Variants in CDH13 observed in about 807,000 individuals in gnomAD.
The protein encoded by CDH13 is cadherin 13.
CDH13 carries 24 observed loss-of-function variants against 63.8 expected under a neutral mutation model. The observed-to-expected ratio is 0.38, with a 90% CI of 0.27 to 0.53. The LOEUF is 0.53. Ranked by LOEUF, CDH13 falls within the 20% of genes least tolerant of loss-of-function variation. The pLI is 0.85. For missense variants in CDH13, 1,049 were observed against 903.1 expected (o/e 1.16, Z -2.07); for synonymous variants, 503 against 355.3 (o/e 1.42, Z -4.67).
At chr16:83,463,393 CCT>C (rs1380030669) in intron 6 of CDH13, among the ~76,000 whole-genome samples, 1 of 152,178 alleles carries the variant, frequency 6.6e-6, no homozygotes, top group African/African-American at 2.4e-5. Context: ...TCCATGTCAC[CCT>C]CTCTCTGGCA....
chr16:83,272,257 G>C (rs777511705), intron 5 of CDH13, among the ~76,000 whole-genome samples: 2 of 152,182 alleles, frequency 1.3e-5, no homozygotes, highest in Non-Finnish European at 2.9e-5. Context: ...TCCAGTGTCA[G>C]GGAATGATAA....
At chr16:82,789,611 G>C (rs8054286) in intron 1 of CDH13, among the ~76,000 whole-genome samples, 1 of 152,104 alleles carries the variant, frequency 6.6e-6, no homozygotes, top group Non-Finnish European at 1.5e-5. Flanking sequence ...AGGTCCATTG[G>C]GCAGGACACA....
chr16:82,867,896 C>T (rs987981488), intron 2 of CDH13, among the ~76,000 whole-genome samples: 3 of 152,178 alleles, frequency 2.0e-5, no homozygotes, highest in African/African-American at 7.2e-5. Flanking sequence ...AGGCTTTTAT[C>T]TGTCTACATT....
intron 6 of CDH13, among the ~76,000 whole-genome samples, chr16:83,455,690 A>G (rs767532585): frequency 3.9e-5 from 6 of 152,040 alleles, no homozygotes; most frequent in African/African-American, 7.2e-5. Context: ...TCAGAATCCT[A>G]TATGTCAGTG....
intron 2 of CDH13, among the ~76,000 whole-genome samples, chr16:82,884,980 G>A (rs907236753): frequency 6.6e-6 from 1 of 152,104 alleles, no homozygotes. Flanking sequence ...CTCTTAGTTG[G>A]GTGGACTTAC....
intron 6 of CDH13, among the ~76,000 whole-genome samples, chr16:83,369,730 T>C (rs1412549493): frequency 6.6e-6 from 1 of 152,200 alleles, no homozygotes; most frequent in Non-Finnish European, 1.5e-5. Flanking sequence ...TGTCTTCTTC[T>C]AGTCTTGATG....
At chr16:83,410,486 T>A (rs752509383) in intron 6 of CDH13, among the ~76,000 whole-genome samples, 3 of 152,218 alleles carry the variant, frequency 2.0e-5, no homozygotes, top group Admixed American at 6.5e-5. Flanking sequence ...TTTCAGTGTT[T>A]AGCAAGGTTA....
chr16:83,181,347 G>A (rs2038343335), intron 4 of CDH13, among the ~76,000 whole-genome samples: 1 of 152,192 alleles, frequency 6.6e-6, no homozygotes, highest in African/African-American at 2.4e-5. Context: ...TAAGTCTGCA[G>A]AGGGGTCCAC....
intron 4 of CDH13, among the ~76,000 whole-genome samples, chr16:83,145,161 A>G (rs778389804): frequency 1.2e-4 from 19 of 152,284 alleles, no homozygotes; most frequent in Non-Finnish European, 1.5e-4. Context: ...AGGACATCCA[A>G]TTCGGCTTTA....
intron 7 of CDH13, among the ~76,000 whole-genome samples, chr16:83,599,005 C>T (rs1170976275): frequency 1.3e-5 from 2 of 152,192 alleles, no homozygotes; most frequent in Non-Finnish European, 2.9e-5. Context: ...CCCTGATTGG[C>T]CAGGCCTGAA....
intron 7 of CDH13, among the ~76,000 whole-genome samples, chr16:83,550,430 A>G (rs893040186): frequency 6.6e-6 from 1 of 152,234 alleles, no homozygotes; most frequent in African/African-American, 2.4e-5. Context: ...GCCATCAGTG[A>G]CATTTGGTGA....
rs576580602 is a variant in CDH13, at chr16:83,791,914, C to T, written c.2135-3109C>T. 2.4e-4 allele frequency among the ~76,000 whole-genome samples: 37 copies of T among 152,000 alleles called. 1 individual carries two copies. Among genetic ancestry groups the T allele is most frequent in the Non-Finnish European group, 4.4e-4 (30 of 68,000 alleles). On this transcript the variant is annotated intron_variant, in intron 13 of 13. Coordinates refer to ENST00000567109, the MANE Select transcript of CDH13 (RefSeq NM_001257.5). ...TTGTTTGCATAAAACAAAATGCATC[C>T]GTTGCAAGTGTACAGTTTGATGCAT...
intron 4 of CDH13, among the ~76,000 whole-genome samples, chr16:83,182,389 C>G (rs8054372): frequency 0.035 from 5,381 of 152,256 alleles, 309 homozygotes; most frequent in African/African-American, 0.12. Context: ...GGTCTTCTGT[C>G]TGCCATGGGT....
intron 6 of CDH13, among the ~76,000 whole-genome samples, chr16:83,434,389 CA>C (rs1226755431): frequency 6.6e-6 from 1 of 152,144 alleles, no homozygotes; most frequent in East Asian, 1.9e-4. Context: ...ATGACTTCCT[CA>C]AGGGTCATAT....
chr16:83,317,143 C>G (rs1397785640), intron 5 of CDH13, among the ~76,000 whole-genome samples: 1 of 152,158 alleles, frequency 6.6e-6, no homozygotes, highest in Non-Finnish European at 1.5e-5. Flanking sequence ...AGAAAAGTCA[C>G]CCACCATTAA....
At chr16:83,727,385 T>C (rs1910533410) in intron 10 of CDH13, among the ~76,000 whole-genome samples, 1 of 152,074 alleles carries the variant, frequency 6.6e-6, no homozygotes, top group Non-Finnish European at 1.5e-5. Context: ...TTCTCAACTT[T>C]AGAACAGTTT....
At chr16:83,165,539 G>A (rs1384048719) in intron 4 of CDH13, among the ~76,000 whole-genome samples, 2 of 152,112 alleles carry the variant, frequency 1.3e-5, no homozygotes, top group Admixed American at 1.3e-4. Flanking sequence ...GAGGAAGGTG[G>A]TTGGTTGTGG....
At position 82,730,578 on chromosome 16, in the gene CDH13, A is replaced by G. The variant is rs2033350261; in HGVS notation, c.45+103441A>G. Among the ~76,000 whole-genome samples, 3 of 152,370 alleles carry G rather than the reference A, an allele frequency of 2.0e-5. 1 individual carries two copies. In the Middle Eastern group the frequency reaches 0.01, roughly 518 times the overall value. Reference sequence around the variant, plus strand: ...ATCACAGATCACCATGACAGATATCATAATAATTTGAAAGTTTGAAATATT... The same window carrying G: ...ATCACAGATCACCATGACAGATATCGTAATAATTTGAAAGTTTGAAATATT... On this transcript the variant is annotated intron_variant, in intron 1 of 13. Transcript: ENST00000567109.
At chr16:83,671,229 C>A (rs563939364) in intron 9 of CDH13, among the ~76,000 whole-genome samples, 1 of 152,124 alleles carries the variant, frequency 6.6e-6, no homozygotes, top group African/African-American at 2.4e-5. Flanking sequence ...GAAAACCAAA[C>A]TTAAGTGCAT....
Sources: gnomAD v4.1 joint callset for allele counts (sites outside exome capture counted in the v4.1 genomes callset) on GRCh38, gnomAD v4.1.1 for gene constraint, MANE v1.5 for transcripts, NCBI Gene and HGNC (gene_info 2026-07-23, HGNC 2026-07-21) for gene names.